SUFU: variants seen among roughly 807,000 people sequenced by gnomAD.
SUFU encodes SUFU negative regulator of hedgehog signaling.
A neutral mutation model predicts 58.9 loss-of-function variants in SUFU; 7 were observed. That is an observed-to-expected ratio of 0.12 (90% CI 0.07 to 0.22). The LOEUF (loss-of-function observed/expected upper bound fraction) is 0.22. SUFU is among the 10% of genes least tolerant of loss of function. The pLI is 1.00. For missense variants in SUFU, 451 were observed against 641.3 expected (o/e 0.70, Z 3.20); for synonymous variants, 232 against 254.8 (o/e 0.91, Z 0.85).
Position 102,554,159 on chromosome 10 carries a change from C to G in SUFU, c.454+4053C>G, listed in dbSNP as rs554964468. 1.9e-4 allele frequency among the ~76,000 whole-genome samples: 29 copies of G among 152,154 alleles called. No homozygotes were observed. In the East Asian group the frequency reaches 4.7e-3, roughly 24 times the overall value. On this transcript the variant is annotated intron_variant, in intron 3 of 11. Coordinates refer to ENST00000369902, the MANE Select transcript of SUFU (RefSeq NM_016169.4). ...GGCTCATGCCTGTAATCCCAGCACT[C>G]TGGGAGGCCGAGGTGGTTGGATCAC...
intron 8 of SUFU, among the ~76,000 whole-genome samples, chr10:102,601,973 C>G (rs1391840072): frequency 6.6e-6 from 1 of 152,222 alleles, no homozygotes; most frequent in Admixed American, 6.5e-5. Context: ...AAGGAAGATA[C>G]AGAGCTAAAT....
chr10:102,556,954 T>G (rs918026559), intron 3 of SUFU, among the ~76,000 whole-genome samples: 7 of 151,520 alleles, frequency 4.6e-5, no homozygotes, highest in African/African-American at 1.7e-4. Context: ...AGCTGGATGG[T>G]GGTGCACATC....
At chr10:102,562,820 G>A (rs1178541885) in intron 3 of SUFU, among the ~76,000 whole-genome samples, 1 of 152,196 alleles carries the variant, frequency 6.6e-6, no homozygotes, top group East Asian at 1.9e-4. Context: ...GAACCTAGGA[G>A]GCGGAGGTTG....
At chr10:102,519,241 C>A (rs2135660921) in intron 2 of SUFU, among the ~76,000 whole-genome samples, 1 of 151,478 alleles carries the variant, frequency 6.6e-6, no homozygotes, top group East Asian at 2.0e-4. Flanking sequence ...CTTCACCAAC[C>A]AGGCTGGGCA....
rs1275027442 is a variant in SUFU, at chr10:102,628,882, G to T, written c.1366-1184G>T. On this transcript the variant is annotated intron_variant, in intron 11 of 11. Coordinates refer to ENST00000369902, the MANE Select transcript of SUFU (RefSeq NM_016169.4). The surrounding 1 kb of genome is among the most constrained non-coding windows in gnomAD (Gnocchi z 4.5). ...AGAAAAGACAGACCCTGGGCCGGGCGCAGTGACTCATGTCTGTAATCCCAG... is the reference window on the plus strand; with the variant it reads ...AGAAAAGACAGACCCTGGGCCGGGCTCAGTGACTCATGTCTGTAATCCCAG... Among the ~76,000 whole-genome samples the T allele has an allele frequency of 6.6e-6, 1 of 151,956 alleles. No individual in the cohort carries two copies. Among genetic ancestry groups the T allele is most frequent in the Non-Finnish European group, 1.5e-5 (1 of 67,984 alleles).
Position 102,619,481 on chromosome 10 carries a change from G to C in SUFU, c.1296+2053G>C, listed in dbSNP as rs2063721986. 1.6e-6 allele frequency: 2 copies of C among 1,219,580 alleles called. No individual in the cohort carries two copies. Among genetic ancestry groups the C allele is most frequent in the Middle Eastern group, 6.6e-4 (2 of 3,024 alleles). The allele number at this position is 1,219,580 out of a possible 1,614,324, so 75.5% of individuals were successfully genotyped here. A position where few individuals can be genotyped will look rare whatever the true frequency, so the allele number is the denominator to read the frequency against. ...CTACTCAATCAAAGGCCTGTGTTAT[G>C]GGCTCATTAGTGTGGTCCACCACGG... On this transcript the variant is annotated intron_variant, in intron 10 of 11. Transcript: ENST00000369902. This position sits in a 1 kb window ranked among gnomAD's most constrained non-coding sequence, Gnocchi z 4.2.
At chr10:102,570,427 G>C (rs1185151325) in intron 3 of SUFU, among the ~76,000 whole-genome samples, 1 of 152,068 alleles carries the variant, frequency 6.6e-6, no homozygotes, top group African/African-American at 2.4e-5. Flanking sequence ...TTTTTTAGTA[G>C]AGACGGAGTT....
rs1383620948 is a variant in SUFU, at chr10:102,628,768, G to T, written c.1366-1298G>T. Among the ~76,000 whole-genome samples, 1 of 152,186 alleles carries T rather than the reference G, an allele frequency of 6.6e-6. No homozygotes were observed. Among genetic ancestry groups the T allele is most frequent in the African/African-American group, 2.4e-5 (1 of 41,440 alleles). On this transcript the variant is annotated intron_variant, in intron 11 of 11. Coordinates refer to ENST00000369902, the MANE Select transcript of SUFU (RefSeq NM_016169.4). This position sits in a 1 kb window ranked among gnomAD's most constrained non-coding sequence, Gnocchi z 4.5. ...GAGGGAGGCAGCCAGGAAGGGTCAG[G>T]CTCGTCTGCCTCCAGCCCCAGACCG...
At chr10:102,620,588 C>G (rs764514656) in intron 10 of SUFU, among the ~76,000 whole-genome samples, 5 of 152,206 alleles carry the variant, frequency 3.3e-5, no homozygotes, top group Non-Finnish European at 7.3e-5. Flanking sequence ...ACCTTGACTC[C>G]GTCTGCCCTG....
intron 10 of SUFU, among the ~76,000 whole-genome samples, chr10:102,620,650 C>T (rs546083991): frequency 5.3e-5 from 8 of 152,310 alleles, no homozygotes; most frequent in South Asian, 2.1e-4. Context: ...CAGCCAATTC[C>T]GGGGCTGTGC....
intron 3 of SUFU, among the ~76,000 whole-genome samples, chr10:102,589,490 G>C (rs2063373488): frequency 9.4e-6 from 1 of 106,526 alleles, no homozygotes; most frequent in Non-Finnish European, 1.7e-5. Flanking sequence ...CTGTCACCCA[G>C]GCTGGAATGC....
Position 102,619,399 on chromosome 10 carries a change from G to A in SUFU, c.1296+1971G>A, listed in dbSNP as rs948544583. ...GGGCTGTTGCCCAGGGAACCGGGGC[G>A]CGGTGGGAACGAGCTGCTGGCCTCG... On this transcript the variant is annotated intron_variant, in intron 10 of 11. Coordinates refer to ENST00000369902, the MANE Select transcript of SUFU (RefSeq NM_016169.4). The surrounding 1 kb of genome is among the most constrained non-coding windows in gnomAD (Gnocchi z 4.2). 40 of 1,379,672 alleles carry A rather than the reference G, an allele frequency of 2.9e-5. No homozygotes were observed. The highest frequency in any genetic ancestry group is 8.7e-5 in the African/African-American group (6 of 68,914). 85.5% of individuals were successfully genotyped at this position (1,379,672 alleles called of 1,614,324 possible). A position where few individuals can be genotyped will look rare whatever the true frequency, so the allele number is the denominator to read the frequency against.
At chr10:102,605,139 G>A (rs975782114) in intron 8 of SUFU, among the ~76,000 whole-genome samples, 61 of 151,794 alleles carry the variant, frequency 4.0e-4, no homozygotes, top group African/African-American at 1.5e-3. Flanking sequence ...GGCTGGTCTC[G>A]AACTCCTGAC....
intron 3 of SUFU, among the ~76,000 whole-genome samples, chr10:102,565,872 C>T (rs1289839398): frequency 6.6e-6 from 1 of 152,120 alleles, no homozygotes; most frequent in Non-Finnish European, 1.5e-5. Flanking sequence ...TACAGGCATT[C>T]AGCTAGGATA....
intron 3 of SUFU, chr10:102,573,134 C>T: frequency 1.3e-6 from 1 of 774,768 alleles, no homozygotes; most frequent in East Asian, 2.4e-5. Context: ...GCTGTGGACA[C>T]CTTTCAACAC....
chr10:102,556,368 A>G (rs1243648222), intron 3 of SUFU, among the ~76,000 whole-genome samples: 1 of 152,228 alleles, frequency 6.6e-6, no homozygotes, highest in Non-Finnish European at 1.5e-5. Context: ...CTGAGAATGA[A>G]GAGCATCCAG....
chr10:102,533,713 C>T (rs1175426522), intron 2 of SUFU, among the ~76,000 whole-genome samples: 1 of 152,236 alleles, frequency 6.6e-6, no homozygotes, highest in African/African-American at 2.4e-5. Context: ...CGTCACATCT[C>T]TCTGATCTTT....
rs1391088919 is a variant in SUFU, at chr10:102,632,866, CAG to C, written c.*2713_*2714del. ...CTCAGTGTGGGCTGCAGGAGGACTG[CAG>C]ACTCAGCTGCAATTCTGAGGGGGGT... is the stretch of plus-strand genomic sequence containing the variant. On this transcript the variant is annotated 3_prime_UTR_variant, in exon 12 of 12. Coordinates refer to ENST00000369902, the MANE Select transcript of SUFU (RefSeq NM_016169.4). The C allele has an allele frequency of 1.7e-4, 40 of 233,528 alleles. No homozygotes were observed. The highest frequency in any genetic ancestry group is 5.1e-5 in the Non-Finnish European group (6 of 118,250). 14.5% of individuals were successfully genotyped at this position (233,528 alleles called of 1,614,324 possible).
intron 2 of SUFU, among the ~76,000 whole-genome samples, chr10:102,541,977 T>G (rs2062807071): frequency 6.8e-6 from 1 of 147,470 alleles, no homozygotes. Flanking sequence ...CTCTGCCTCC[T>G]GGGTTCAAGC....
Sources: allele counts gnomAD v4.1 joint callset (sites outside exome capture counted in the v4.1 genomes callset), GRCh38; gene constraint gnomAD v4.1.1; non-coding constraint Gnocchi (gnomAD v3.1); transcripts MANE v1.5; gene names NCBI Gene and HGNC (gene_info 2026-07-23, HGNC 2026-07-21).